RBM47: variants seen among roughly 807,000 people sequenced by gnomAD.
RBM47 encodes the protein RNA-binding protein 47.
Under a neutral mutation model 47.1 loss-of-function variants are expected in RBM47, and 21 were observed. The ratio of observed to expected loss-of-function variants is 0.45; its 90% CI spans 0.32 to 0.64. The LOEUF is 0.64. Ranked by LOEUF, RBM47 falls within the 30% of genes least tolerant of loss-of-function variation. The pLI, the probability that RBM47 is intolerant of heterozygous loss-of-function variation, is 0.05. For synonymous variants in RBM47, 375 were observed against 361.7 expected, an observed-to-expected ratio of 1.04 and a Z score of -0.42; for missense variants, 708 against 870.9, an observed-to-expected ratio of 0.81 and a Z score of 2.35.
intron 2 of RBM47, among the ~76,000 whole-genome samples, chr4:40,527,298 T>C (rs2154258280): frequency 6.6e-6 from 1 of 151,476 alleles, no homozygotes; most frequent in South Asian, 2.1e-4. Context: ...AATTTTTTTT[T>C]TTTTTTAAGA....
chr4:40,505,226 C>T (rs1049019092), intron 2 of RBM47, among the ~76,000 whole-genome samples: 12 of 151,910 alleles, frequency 7.9e-5, no homozygotes, highest in African/African-American at 2.7e-4. Flanking sequence ...CTGTGGCTCA[C>T]GTCTGTAATC....
chr4:40,524,769 C>T (rs141344166), intron 2 of RBM47, among the ~76,000 whole-genome samples: 1,803 of 152,270 alleles, frequency 0.012, 31 homozygotes, highest in African/African-American at 0.035. Flanking sequence ...TACAGGCGCA[C>T]GTCACCACGC....
chr4:40,579,050 C>T (rs546065355), intron 1 of RBM47, among the ~76,000 whole-genome samples: 33 of 150,008 alleles, frequency 2.2e-4, no homozygotes, highest in Non-Finnish European at 3.8e-4. Flanking sequence ...ACCTGGGAGG[C>T]GGAGGCTACA....
intron 2 of RBM47, among the ~76,000 whole-genome samples, chr4:40,485,896 TAA>T (rs542807983): frequency 0.033 from 4,317 of 130,398 alleles, 131 homozygotes; most frequent in African/African-American, 0.085. Context: ...GCCATCTGTG[TAA>T]AAAAAAAAAA....
chr4:40,529,616 C>A (rs1216688843), intron 2 of RBM47, among the ~76,000 whole-genome samples: 1 of 150,100 alleles, frequency 6.7e-6, no homozygotes, highest in African/African-American at 2.4e-5. Context: ...GGCAGATCAC[C>A]CGAAGAGCTC....
At chr4:40,473,171 T>C (rs1261366554) in intron 2 of RBM47, among the ~76,000 whole-genome samples, 1 of 152,220 alleles carries the variant, frequency 6.6e-6, no homozygotes, top group Non-Finnish European at 1.5e-5. Flanking sequence ...GCACCAGGTA[T>C]GGCACTAAGC....
Position 40,426,158 on chromosome 4 carries a change from CA to C in RBM47, c.1543-16del, listed in dbSNP as rs1715007963. On this transcript the variant is annotated splice_polypyrimidine_tract_variant and intron_variant, in intron 6 of 6. Coordinates refer to ENST00000295971, the MANE Select transcript of RBM47 (RefSeq NM_001098634.2). ...ATTGGGCGGCCCTGAGGAGAAGAGA[CA>C]AAAAGGAGCCTTCCTGAACACGTGT... 2.5e-6 allele frequency: 4 copies of C among 1,607,764 alleles called. No individual in the cohort carries two copies. In the Admixed American group the frequency reaches 5.1e-5, roughly 21 times the overall value.
rs191859202 is a variant in RBM47 at position 40,552,851 on chromosome 4, G to C, written c.-239-8345C>G. ...TGGCACTCACTGTCGGCCCCACCTGGAATTTCCTTTCCCAGCCTTTACACC... is the reference window on the plus strand; with the variant it reads ...TGGCACTCACTGTCGGCCCCACCTGCAATTTCCTTTCCCAGCCTTTACACC... On this transcript the variant is annotated intron_variant, in intron 1 of 6. Coordinates refer to ENST00000295971, the MANE Select transcript of RBM47 (RefSeq NM_001098634.2). Among the ~76,000 whole-genome samples, 303 of 152,210 alleles carry C rather than the reference G, an allele frequency of 2.0e-3. 2 individuals are homozygous for C. The highest frequency in any genetic ancestry group is 6.8e-3 in the African/African-American group (282 of 41,550).
intron 2 of RBM47, among the ~76,000 whole-genome samples, chr4:40,537,382 C>A (rs1299195388): frequency 6.6e-6 from 1 of 151,926 alleles, no homozygotes; most frequent in African/African-American, 2.4e-5. Context: ...GTCAGGAGAT[C>A]CTCCTGAGTA....
At position 40,628,858 on chromosome 4, in the gene RBM47, T is replaced by C. The variant is rs1489063186; in HGVS notation, c.-240+538A>G. ...CTGATTTCTTAAATATCCGGTCAAC[T>C]GCTAATTTGTCAGATGTCATAATTC... On this transcript the variant is annotated intron_variant, in intron 1 of 6. Coordinates refer to ENST00000295971, the MANE Select transcript of RBM47 (RefSeq NM_001098634.2). The surrounding 1 kb of genome is among the most constrained non-coding windows in gnomAD (Gnocchi z 4.0). Among the ~76,000 whole-genome samples the C allele has an allele frequency of 2.0e-5, 3 of 152,210 alleles. No individual in the cohort carries two copies. The highest frequency in any genetic ancestry group is 7.2e-5 in the African/African-American group (3 of 41,448).
chr4:40,558,926 G>A (rs927903474), intron 1 of RBM47, among the ~76,000 whole-genome samples: 5 of 151,786 alleles, frequency 3.3e-5, no homozygotes, highest in African/African-American at 9.7e-5. Flanking sequence ...CCCAGGAGGC[G>A]GAGGTAGAAG....
chr4:40,429,814 T>C (rs190078583), intron 6 of RBM47, among the ~76,000 whole-genome samples: 2 of 151,142 alleles, frequency 1.3e-5, no homozygotes, highest in Admixed American at 1.3e-4. Flanking sequence ...TGTTGTTAAA[T>C]TGGCTAAATA....
Position 40,438,333 on chromosome 4 carries a change from C to G in RBM47, c.561G>C (p.Ala187=), listed in dbSNP as rs750811346. 6.2e-7 allele frequency: 1 copy of G among 1,609,550 alleles called. No homozygotes were observed. The highest frequency in any genetic ancestry group is 1.3e-5 in the African/African-American group (1 of 75,068). Residue 187 remains alanine, a synonymous_variant, in exon 4 of 7, where the codon GCG becomes GCC. Transcript: ENST00000295971. ...GVLDVIVYAS[A]ADKMKNRGFA... ...AGCCGCGGTTCTTCATCTTGTCGGCCGCGCTGGCGTAGACGATCACGTCCA... is the reference window on the plus strand; with the variant it reads ...AGCCGCGGTTCTTCATCTTGTCGGCGGCGCTGGCGTAGACGATCACGTCCA...
intron 2 of RBM47, among the ~76,000 whole-genome samples, chr4:40,483,223 T>C (rs1720652115): frequency 6.6e-6 from 1 of 152,226 alleles, no homozygotes; most frequent in Admixed American, 6.5e-5. Flanking sequence ...TGATTTTCCA[T>C]GAGCAAATGG....
intron 2 of RBM47, chr4:40,491,806 T>C: frequency 9.3e-6 from 2 of 216,204 alleles, no homozygotes; most frequent in South Asian, 1.7e-4. Flanking sequence ...GCTGTGGCTC[T>C]GAAGCCTACC....
chr4:40,475,869 C>T (rs1719532973), intron 2 of RBM47: 1 of 152,094 alleles, frequency 6.6e-6, no homozygotes, highest in Non-Finnish European at 1.5e-5. Context: ...GCTAAGGGCA[C>T]CTGGAATGAG....
chr4:40,456,422 T>G (rs529546360), intron 3 of RBM47, among the ~76,000 whole-genome samples: 13 of 152,076 alleles, frequency 8.5e-5, no homozygotes, highest in South Asian at 2.1e-4. Context: ...GATAGGAAAT[T>G]TCCTGTGTTG....
intron 1 of RBM47, among the ~76,000 whole-genome samples, chr4:40,604,860 G>A (rs895598218): frequency 4.6e-5 from 7 of 152,100 alleles, no homozygotes; most frequent in African/African-American, 1.4e-4. Context: ...GGGACTACAA[G>A]TGCACACCAC....
intron 1 of RBM47, among the ~76,000 whole-genome samples, chr4:40,549,383 C>A (rs556024551): frequency 2.0e-5 from 3 of 152,036 alleles, no homozygotes; most frequent in Non-Finnish European, 4.4e-5. Context: ...TGAGCCACCA[C>A]GCCCAGCCAG....
Sources: allele counts gnomAD v4.1 joint callset (sites outside exome capture counted in the v4.1 genomes callset), GRCh38; gene constraint gnomAD v4.1.1; non-coding constraint Gnocchi (gnomAD v3.1); transcripts MANE v1.5; gene names NCBI Gene and HGNC (gene_info 2026-07-23, HGNC 2026-07-21).